Variants in LPAR3 observed in about 807,000 individuals in gnomAD.
LPAR3 encodes lysophosphatidic acid receptor 3.
A neutral mutation model predicts 17.8 loss-of-function variants in LPAR3; 7 were observed. That is an observed-to-expected ratio of 0.39 (90% CI 0.22 to 0.74). The LOEUF (loss-of-function observed/expected upper bound fraction) is 0.74, where lower values mean the gene tolerates loss of function less well. LPAR3 is among the 30% of genes least tolerant of loss of function. The pLI, the probability that LPAR3 is intolerant of heterozygous loss-of-function variation, is 0.40. For synonymous variants in LPAR3, 179 were observed against 179.9 expected, an observed-to-expected ratio of 0.99 and a Z score of 0.04; for missense variants, 391 against 453.4, an observed-to-expected ratio of 0.86 and a Z score of 1.25.
intron 2 of LPAR3, among the ~76,000 whole-genome samples, chr1:84,845,516 G>C (rs1206131194): frequency 6.6e-6 from 1 of 152,180 alleles, no homozygotes; most frequent in East Asian, 1.9e-4. Context: ...AAACATGAAA[G>C]GGACTAGGAT....
intron 2 of LPAR3, among the ~76,000 whole-genome samples, chr1:84,856,820 A>G (rs1007643131): frequency 6.6e-6 from 1 of 152,208 alleles, no homozygotes; most frequent in Non-Finnish European, 1.5e-5. Context: ...TTGTCAAGCT[A>G]ATGCTTTGTG....
chr1:84,814,841 T>A (rs968115721), intron 2 of LPAR3, among the ~76,000 whole-genome samples: 1 of 152,218 alleles, frequency 6.6e-6, no homozygotes, highest in African/African-American at 2.4e-5. Context: ...GAAATAAATC[T>A]TTCATGATGA....
intron 1 of LPAR3, among the ~76,000 whole-genome samples, chr1:84,871,459 C>T (rs1660157764): frequency 6.6e-6 from 1 of 152,164 alleles, no homozygotes; most frequent in African/African-American, 2.4e-5. Context: ...GGCTTTTTAG[C>T]TGGCTTTCAA....
chr1:84,854,725 G>C (rs1659786331), intron 2 of LPAR3, among the ~76,000 whole-genome samples: 1 of 152,144 alleles, frequency 6.6e-6, no homozygotes. Context: ...AAAACATAAA[G>C]AATAAAATAG....
chr1:84,827,462 T>TA (rs1200370401), intron 2 of LPAR3, among the ~76,000 whole-genome samples: 3 of 152,126 alleles, frequency 2.0e-5, no homozygotes. Context: ...TAAAAACCTT[T>TA]AAAATAGAAG....
chr1:84,892,857 G>T (rs1660577926), intron 1 of LPAR3, among the ~76,000 whole-genome samples, 159 bp downstream of exon 1: 1 of 152,152 alleles, frequency 6.6e-6, no homozygotes, highest in African/African-American at 2.4e-5. Flanking sequence ...CTTGTCCCGG[G>T]GTTTGGAGTG....
chr1:84,813,158 T>TATATAGAGAGAGAGAGAGAGAG lies in LPAR3; in HGVS notation c.*687_*688insCTCTCTCTCTCTCTCTCTATAT, dbSNP rs1206774677. The TATATAGAGAGAGAGAGAGAGAG allele has an allele frequency of 1.2e-4, 12 of 101,676 alleles. No individual in the cohort carries two copies. The highest frequency in any genetic ancestry group is 1.9e-4 in the Non-Finnish European group (9 of 47,326). 6.3% of individuals were successfully genotyped at this position (101,676 alleles called of 1,614,324 possible). A position where few individuals can be genotyped will look rare whatever the true frequency, so the allele number is the denominator to read the frequency against. ...ATATATATATATATATATATATATA[T>TATATAGAGAGAGAGAGAGAGAG]AGACACACACACACACACACACACA... On this transcript the variant is annotated 3_prime_UTR_variant, in exon 3 of 3. Coordinates refer to ENST00000370611, the MANE Select transcript of LPAR3 (RefSeq NM_012152.3).
intron 1 of LPAR3, among the ~76,000 whole-genome samples, chr1:84,889,488 C>A (rs937647631): frequency 6.6e-6 from 1 of 152,150 alleles, no homozygotes; most frequent in African/African-American, 2.4e-5. Context: ...AACTGAGATG[C>A]GCAGACAGTA....
intron 1 of LPAR3, among the ~76,000 whole-genome samples, chr1:84,872,178 T>C (rs537309189): frequency 6.6e-6 from 1 of 152,332 alleles, no homozygotes. Flanking sequence ...TAAATACTTG[T>C]TAAATGTAGA....
chr1:84,867,171 C>A (rs943275702), intron 1 of LPAR3, among the ~76,000 whole-genome samples: 1 of 152,208 alleles, frequency 6.6e-6, no homozygotes, highest in Admixed American at 6.5e-5. Flanking sequence ...CAAGGAAGGG[C>A]TGGGCAGAAG....
rs78771136 is a variant in LPAR3 at position 84,869,659 on chromosome 1, T to A, written c.-18-3521A>T. Reference sequence around the variant, plus strand: ...AATGGTGGAACTGTGAGTCATTTTTTAAAAATTCTTTCTAATTTTTTCCAT... The same window carrying A: ...AATGGTGGAACTGTGAGTCATTTTTAAAAAATTCTTTCTAATTTTTTCCAT... On this transcript the variant is annotated intron_variant, in intron 1 of 2. Coordinates refer to ENST00000370611, the MANE Select transcript of LPAR3 (RefSeq NM_012152.3). Among the ~76,000 whole-genome samples, 88 of 152,354 alleles carry A rather than the reference T, an allele frequency of 5.8e-4. 1 individual carries two copies. The South Asian group carries it at 6.6e-3, about 11-fold the overall frequency.
In LPAR3 at chr1:84,854,091, A is replaced by T. The variant is rs368355005; in HGVS notation, c.736+11294T>A. Among the ~76,000 whole-genome samples, 10 of 152,326 alleles carry T rather than the reference A, an allele frequency of 6.6e-5. No homozygotes were observed. In the South Asian group the frequency reaches 2.1e-3, roughly 32 times the overall value. On this transcript the variant is annotated intron_variant, in intron 2 of 2. Coordinates refer to ENST00000370611, the MANE Select transcript of LPAR3 (RefSeq NM_012152.3). Reference sequence around the variant, plus strand: ...GAAGTCCACAGGACCCTAGGATCCAAGGCCTTCCAGTCTCTGGCTCCCTTA... The same window carrying T: ...GAAGTCCACAGGACCCTAGGATCCATGGCCTTCCAGTCTCTGGCTCCCTTA...
chr1:84,832,743 G>A (rs1051619814), intron 2 of LPAR3, among the ~76,000 whole-genome samples: 13 of 152,172 alleles, frequency 8.5e-5, no homozygotes, highest in African/African-American at 3.1e-4. Context: ...GTTATCACAG[G>A]TGGCTGGGCA....
Position 84,814,022 on chromosome 1 carries a change from T to C in LPAR3, c.886A>G (p.Lys296Glu), listed in dbSNP as rs1412489057. ...SVVNPIIYSY[K>E]DEDMYGTMKK... ...ATGGTGCCATACATGTCCTCGTCCT[T>C]GTAGGAGTAGATGATGGGGTTCACG... is the stretch of plus-strand genomic sequence containing the variant. Residue 296 changes from lysine to glutamate, a missense_variant, in exon 3 of 3, where the codon AAG (lysine) becomes GAG (glutamate). By Grantham distance (56) the Lys-to-Glu change is moderately conservative. Transcript: ENST00000370611. 2.5e-6 allele frequency: 4 copies of C among 1,613,950 alleles called. No homozygotes were observed. The African/African-American group carries it at 5.3e-5, about 22-fold the overall frequency.
intron 2 of LPAR3, among the ~76,000 whole-genome samples, chr1:84,843,044 C>T (rs1451783524): frequency 1.3e-5 from 2 of 152,226 alleles, no homozygotes; most frequent in Non-Finnish European, 2.9e-5. Context: ...GGACCAAGTA[C>T]TGAAGAGAAA....
intron 2 of LPAR3, among the ~76,000 whole-genome samples, chr1:84,839,617 G>A (rs1024682345): frequency 1.3e-5 from 2 of 152,140 alleles, no homozygotes; most frequent in Admixed American, 6.5e-5. Flanking sequence ...GTTACAGTGA[G>A]CTAGGATCAC....
intron 1 of LPAR3, among the ~76,000 whole-genome samples, chr1:84,889,553 G>A (rs934623087): frequency 6.6e-6 from 1 of 152,190 alleles, no homozygotes; most frequent in African/African-American, 2.4e-5. Context: ...CTATGCCTTC[G>A]ATCATGTAGT....
At chr1:84,866,218 T>C (rs1299066031) in intron 1 of LPAR3, 80 bp from the exon 2 acceptor site, 1 of 1,114,872 alleles carries the variant, frequency 9.0e-7, no homozygotes, top group Non-Finnish European at 1.3e-6. Flanking sequence ...TCTAAGCCCG[T>C]TCTGGCTAAC....
chr1:84,888,630 G>A (rs1660500421), intron 1 of LPAR3, among the ~76,000 whole-genome samples: 1 of 152,158 alleles, frequency 6.6e-6, no homozygotes, highest in Non-Finnish European at 1.5e-5. Context: ...GGGAGACCAG[G>A]GGCTTGCCTT....
Sources: allele counts gnomAD v4.1 joint callset (sites outside exome capture counted in the v4.1 genomes callset), GRCh38; gene constraint gnomAD v4.1.1; transcripts MANE v1.5; gene names NCBI Gene and HGNC (gene_info 2026-07-23, HGNC 2026-07-21).